Variants in ATP8A2 observed in about 807,000 individuals in gnomAD.
ATP8A2 encodes phospholipid-transporting ATPase IB.
ATP8A2 carries 100 observed loss-of-function variants against 165.6 expected under a neutral mutation model. That is an observed-to-expected ratio of 0.60 (90% CI 0.51 to 0.71). The LOEUF is 0.71. Among genes scored for constraint, ATP8A2 ranks in the 30% least tolerant of loss-of-function variants. ATP8A2 has a pLI of 0.00. For missense variants in ATP8A2, 1,227 were observed against 1,479.5 expected, an observed-to-expected ratio of 0.83 and a Z score of 2.80; for synonymous variants, 543 against 548.8, an observed-to-expected ratio of 0.99 and a Z score of 0.15.
In ATP8A2 at chr13:25,784,156, T is replaced by TA. The variant is rs541353932; in HGVS notation, c.2679+9204dup. ...AAGGATCATTATAAAGATCCAGCAC[T>TA]AAAAAAATGTTTTTAGGCATTGATG... On this transcript the variant is annotated intron_variant, in intron 27 of 36. Coordinates refer to ENST00000381655, the MANE Select transcript of ATP8A2 (RefSeq NM_016529.6). 9.2e-4 allele frequency among the ~76,000 whole-genome samples: 127 copies of TA among 137,960 alleles called. 1 individual carries two copies. The highest frequency in any genetic ancestry group is 4.0e-3 in the South Asian group (15 of 3,774). The allele number at this position is 137,960 out of a possible 152,430, so 90.5% of individuals were successfully genotyped here. A position where few individuals can be genotyped will look rare whatever the true frequency, so the allele number is the denominator to read the frequency against.
chr13:25,414,799 C>T (rs2034085684), intron 1 of ATP8A2, among the ~76,000 whole-genome samples: 1 of 152,192 alleles, frequency 6.6e-6, no homozygotes, highest in Non-Finnish European at 1.5e-5. Context: ...CTAGTGTATA[C>T]TTCATTCTGA....
intron 24 of ATP8A2, among the ~76,000 whole-genome samples, chr13:25,621,488 C>A (rs1483082159): frequency 6.6e-6 from 1 of 152,068 alleles, no homozygotes; most frequent in Non-Finnish European, 1.5e-5. Flanking sequence ...AATCTGTGTT[C>A]TTCCCAACCA....
At chr13:25,916,601 G>A (rs1954274669) in intron 33 of ATP8A2, among the ~76,000 whole-genome samples, 1 of 152,214 alleles carries the variant, frequency 6.6e-6, no homozygotes, top group South Asian at 2.1e-4. Context: ...AATGTTTGAT[G>A]TACGTGGTCC....
At chr13:25,406,902 A>G (rs763627540) in intron 1 of ATP8A2, among the ~76,000 whole-genome samples, 45 of 152,214 alleles carry the variant, frequency 3.0e-4, no homozygotes, top group Non-Finnish European at 5.4e-4. Flanking sequence ...GCAGATGGCC[A>G]TGTCTCTCAG....
chr13:25,714,444 G>T (rs1166193026), intron 25 of ATP8A2, among the ~76,000 whole-genome samples: 1 of 152,054 alleles, frequency 6.6e-6, no homozygotes, highest in South Asian at 2.1e-4. Context: ...GCTTTATTTT[G>T]CTTGATAGCA....
At chr13:25,806,980 G>A (rs1473848054) in intron 27 of ATP8A2, among the ~76,000 whole-genome samples, 1 of 151,946 alleles carries the variant, frequency 6.6e-6, no homozygotes, top group Non-Finnish European at 1.5e-5. Context: ...TATCATCTTT[G>A]GAGCAATGTC....
At chr13:25,984,333 G>A (rs1280942721) in intron 35 of ATP8A2, among the ~76,000 whole-genome samples, 1 of 152,146 alleles carries the variant, frequency 6.6e-6, no homozygotes, top group Non-Finnish European at 1.5e-5. Context: ...GCTGGGCCCA[G>A]TGGCTCATGC....
chr13:25,604,351 T>C (rs1048877965), intron 24 of ATP8A2, among the ~76,000 whole-genome samples: 1 of 152,110 alleles, frequency 6.6e-6, no homozygotes, highest in African/African-American at 2.4e-5. Flanking sequence ...TCTGGGGCAT[T>C]ATGGAGATGA....
intron 2 of ATP8A2, among the ~76,000 whole-genome samples, chr13:25,486,544 GAA>G (rs1337107049): frequency 3.0e-4 from 46 of 152,292 alleles, no homozygotes; most frequent in African/African-American, 9.4e-4. Flanking sequence ...AGAAAAAAAT[GAA>G]GAGAGTCTGA....
chr13:25,978,876 C>A (rs1424160462), intron 35 of ATP8A2, among the ~76,000 whole-genome samples: 2 of 151,956 alleles, frequency 1.3e-5, no homozygotes, highest in African/African-American at 4.8e-5. Flanking sequence ...GGAGGCGGAG[C>A]TTGGAGTGAG....
chr13:25,385,772 G>A (rs9553594), intron 1 of ATP8A2, among the ~76,000 whole-genome samples: 86,956 of 151,802 alleles, frequency 0.57, 27,450 homozygotes, highest in East Asian at 0.78. Flanking sequence ...GCTCACTGCA[G>A]CCTTGACATC....
intron 33 of ATP8A2, among the ~76,000 whole-genome samples, chr13:25,882,466 C>G (rs1953009324): frequency 6.6e-6 from 1 of 152,066 alleles, no homozygotes; most frequent in African/African-American, 2.4e-5. Flanking sequence ...TCCACTTTTT[C>G]TCATACAAAA....
At chr13:25,766,607 A>G (rs1027650019) in intron 25 of ATP8A2, among the ~76,000 whole-genome samples, 2 of 152,204 alleles carry the variant, frequency 1.3e-5, no homozygotes, top group African/African-American at 2.4e-5. Flanking sequence ...TCACAACGAC[A>G]TATCATGAAA....
chr13:26,020,194 C>G lies in ATP8A2; in HGVS notation c.*209C>G. On this transcript the variant is annotated 3_prime_UTR_variant, in exon 37 of 37. Transcript: ENST00000381655. ...GGAAGCTATCTTTGCCCTCCCAACT[C>G]GTCTGCAGTGCTTAGCCTAACTTTT... 1 of 582,528 alleles carries G rather than the reference C, an allele frequency of 1.7e-6. No individual in the cohort carries two copies. The highest frequency in any genetic ancestry group is 1.9e-5 in the African/African-American group (1 of 53,648). The allele number at this position is 582,528 out of a possible 1,614,324, so 36.1% of individuals were successfully genotyped here. A position where few individuals can be genotyped will look rare whatever the true frequency, so the allele number is the denominator to read the frequency against.
At chr13:25,703,496 C>G (rs926672857) in intron 25 of ATP8A2, among the ~76,000 whole-genome samples, 4 of 152,100 alleles carry the variant, frequency 2.6e-5, no homozygotes, top group Admixed American at 2.0e-4. Context: ...GGCACTCAAA[C>G]AAATACTTGT....
chr13:25,683,757 G>T (rs2042543718), intron 24 of ATP8A2, among the ~76,000 whole-genome samples: 1 of 151,756 alleles, frequency 6.6e-6, no homozygotes, highest in Non-Finnish European at 1.5e-5. Context: ...GGTCAAGAAG[G>T]CCAAGTTTAG....
At chr13:25,978,201 C>CA (rs1422929262) in intron 35 of ATP8A2, among the ~76,000 whole-genome samples, 88 of 150,406 alleles carry the variant, frequency 5.9e-4, no homozygotes, top group African/African-American at 1.3e-3. Context: ...GTAGATTTGC[C>CA]AAAAAAAAAT....
At chr13:25,616,763 C>G (rs2040837511) in intron 24 of ATP8A2, among the ~76,000 whole-genome samples, 1 of 152,146 alleles carries the variant, frequency 6.6e-6, no homozygotes, top group Admixed American at 6.5e-5. Flanking sequence ...TTTTCTTTTT[C>G]TGAGTCATGA....
Position 26,024,917 on chromosome 13 carries a change from G to A in ATP8A2, c.*4932G>A, listed in dbSNP as rs1957139549. The A allele has an allele frequency of 1.3e-5, 2 of 152,050 alleles. No homozygotes were observed. The highest frequency in any genetic ancestry group is 4.8e-5 in the African/African-American group (2 of 41,386). The allele number at this position is 152,050 out of a possible 1,614,324, so 9.4% of individuals were successfully genotyped here. On this transcript the variant is annotated 3_prime_UTR_variant, in exon 37 of 37. Transcript: ENST00000381655. Reference sequence around the variant, plus strand: ...AGCACTATCCAAATAACCCTGCCCAGGAAACTTGGGGGTCAAGAGAGCTTA... The same window carrying A: ...AGCACTATCCAAATAACCCTGCCCAAGAAACTTGGGGGTCAAGAGAGCTTA...
Sources: gnomAD v4.1 joint callset for allele counts (sites outside exome capture counted in the v4.1 genomes callset) on GRCh38, gnomAD v4.1.1 for gene constraint, MANE v1.5 for transcripts, NCBI Gene and HGNC (gene_info 2026-07-23, HGNC 2026-07-21) for gene names.